GLIS3: variants seen among roughly 807,000 people sequenced by gnomAD.
GLIS3 encodes GLIS family zinc finger 3.
A neutral mutation model predicts 78.6 loss-of-function variants in GLIS3; 53 were observed. The ratio of observed to expected loss-of-function variants is 0.67; its 90% CI spans 0.54 to 0.85. The LOEUF (loss-of-function observed/expected upper bound fraction) is 0.85, where lower values mean the gene tolerates loss of function less well. Among genes scored for constraint, GLIS3 ranks in the 40% least tolerant of loss-of-function variants. The pLI is 0.00. For missense variants in GLIS3, 1,703 were observed against 1,231.1 expected, an observed-to-expected ratio of 1.38 and a Z score of -5.74; for synonymous variants, 684 against 509.9, an observed-to-expected ratio of 1.34 and a Z score of -4.60.
chr9:4,323,464 G>C (rs1313288693), intron 2 of GLIS3, among the ~76,000 whole-genome samples: 2 of 152,148 alleles, frequency 1.3e-5, no homozygotes, highest in Admixed American at 6.5e-5. Context: ...GTGTGTAGCA[G>C]GGATTCATTC....
At chr9:4,070,421 A>G (rs911867243) in intron 4 of GLIS3, among the ~76,000 whole-genome samples, 1 of 152,186 alleles carries the variant, frequency 6.6e-6, no homozygotes, top group Non-Finnish European at 1.5e-5. Context: ...GTCCCTAGAC[A>G]CAGTACTGTC....
intron 2 of GLIS3, among the ~76,000 whole-genome samples, chr9:4,136,967 G>C (rs1833449956): frequency 6.6e-6 from 1 of 152,140 alleles, no homozygotes; most frequent in African/African-American, 2.4e-5. Flanking sequence ...TGTGCATCTG[G>C]GACCTTGTGC....
chr9:4,094,206 TG>T (rs1166231465), intron 4 of GLIS3, among the ~76,000 whole-genome samples: 1 of 152,172 alleles, frequency 6.6e-6, no homozygotes, highest in African/African-American at 2.4e-5. Flanking sequence ...GAAAACAAGC[TG>T]GGTCATCAAA....
Position 3,970,994 on chromosome 9 carries a change from G to A in GLIS3, c.1711-33805C>T, listed in dbSNP as rs140162499. Among the ~76,000 whole-genome samples the A allele has an allele frequency of 2.8e-3, 424 of 151,946 alleles. 7 individuals carry two copies. Among genetic ancestry groups the A allele is most frequent in the African/African-American group, 9.3e-3 (384 of 41,430 alleles). On this transcript the variant is annotated intron_variant, in intron 4 of 10. Coordinates refer to ENST00000381971, the MANE Select transcript of GLIS3 (RefSeq NM_001042413.2). ...AAAGGGATGGAATGGAGAAAGGGAG[G>A]GAGGGACGGAGAGAAGGAAGGAAGG...
At chr9:4,485,931 C>T in the GLIS3 span, among the ~76,000 whole-genome samples, 2 of 152,130 alleles carry the variant, frequency 1.3e-5, no homozygotes, top group African/African-American at 4.8e-5. Flanking sequence ...CTATGTTGGC[C>T]AGGCTGGTCT....
chr9:3,965,188 C>CTTTTTTT lies in GLIS3; in HGVS notation c.1711-28000_1711-27999insAAAAAAA, dbSNP rs750454441. 3.1e-3 allele frequency among the ~76,000 whole-genome samples: 302 copies of CTTTTTTT among 98,854 alleles called. 17 individuals carry two copies. The highest frequency in any genetic ancestry group is 4.9e-3 in the East Asian group (16 of 3,270). The allele number at this position is 98,854 out of a possible 152,430, so 64.9% of individuals were successfully genotyped here. Reference sequence around the variant, plus strand: ...TACTTCTTTTCTATTTCTTTCTTTTCTTTTCTTTTTTTTTTTTTTTTTTTG... The same window carrying CTTTTTTT: ...TACTTCTTTTCTATTTCTTTCTTTTCTTTTTTTTTTTCTTTTTTTTTTTTTTTTTTTG... On this transcript the variant is annotated intron_variant, in intron 4 of 10. Transcript: ENST00000381971.
In GLIS3 at chr9:4,118,741, A is replaced by G; in HGVS notation, c.737T>C (p.Leu246Pro). The change falls in exon 4 of 11, where the codon CTT (leucine) becomes CCT (proline). Residue 246 changes from leucine to proline, a missense_variant. Transcript: ENST00000381971. This position sits in a 1 kb window ranked among gnomAD's most constrained non-coding sequence, Gnocchi z 4.7. ...SLSNHGSQNG[L>P]DLGDLLSLPP... ...AAGGCTAAGGAGATCCCCTAGATCA[A>G]GGCCATTCTGAGAGCCGTGGTTGGA... is the stretch of plus-strand genomic sequence containing the variant. 1.2e-6 allele frequency: 2 copies of G among 1,614,024 alleles called. No homozygotes were observed. The highest frequency in any genetic ancestry group is 1.7e-6 in the Non-Finnish European group (2 of 1,180,012).
At chr9:3,954,120 T>C in intron 4 of GLIS3, among the ~76,000 whole-genome samples, 1 of 152,234 alleles carries the variant, frequency 6.6e-6, no homozygotes, top group Non-Finnish European at 1.5e-5. Context: ...CTGTGGGATC[T>C]TATATTCCAG....
At chr9:4,344,587 T>C (rs1019117918) in intron 2 of GLIS3, among the ~76,000 whole-genome samples, 1 of 152,206 alleles carries the variant, frequency 6.6e-6, no homozygotes. Context: ...TCTTCTGGCT[T>C]TAAATATCAT....
chr9:4,354,708 A>T, the GLIS3 span, among the ~76,000 whole-genome samples: 137 of 152,300 alleles, frequency 9.0e-4, no homozygotes, highest in Non-Finnish European at 9.0e-4. Flanking sequence ...GGAGTGATGC[A>T]TAAGTGTCCC....
intron 4 of GLIS3, among the ~76,000 whole-genome samples, chr9:4,026,622 T>C (rs1002346893): frequency 6.6e-6 from 1 of 152,204 alleles, no homozygotes; most frequent in Non-Finnish European, 1.5e-5. Context: ...AGTAATTCAA[T>C]AAAACACAGA....
intron 4 of GLIS3, among the ~76,000 whole-genome samples, chr9:4,094,800 G>A (rs925096375): frequency 6.6e-6 from 1 of 152,168 alleles, no homozygotes. Flanking sequence ...GTAGCCACTT[G>A]AAGTTATTTG....
At chr9:3,893,249 G>A (rs116857552) in intron 7 of GLIS3, among the ~76,000 whole-genome samples, 4,707 of 152,066 alleles carry the variant, frequency 0.031, 110 homozygotes, top group Middle Eastern at 0.051. Context: ...ATATTTTTAC[G>A]GCAAAACTTG....
chr9:4,097,861 C>CA (rs1265805483), intron 4 of GLIS3, among the ~76,000 whole-genome samples: 2 of 152,002 alleles, frequency 1.3e-5, no homozygotes, highest in Non-Finnish European at 2.9e-5. Context: ...AAGACACACA[C>CA]AAAAAAACCC....
chr9:4,485,092 G>A, the GLIS3 span, among the ~76,000 whole-genome samples: 1 of 151,840 alleles, frequency 6.6e-6, no homozygotes, highest in Non-Finnish European at 1.5e-5. Context: ...TCGGCTCACT[G>A]CAACTTCTAC....
the GLIS3 span, among the ~76,000 whole-genome samples, chr9:4,357,046 A>G: frequency 4.5e-4 from 69 of 152,356 alleles, 1 homozygote; most frequent in African/African-American, 1.6e-3. Context: ...AATATTAGTG[A>G]GTTTACTTAT....
intron 4 of GLIS3, among the ~76,000 whole-genome samples, chr9:3,949,646 G>A (rs775573500): frequency 9.2e-5 from 14 of 152,156 alleles, no homozygotes; most frequent in Non-Finnish European, 2.1e-4. Flanking sequence ...CTTTACTGGT[G>A]GGAAAAAGAA....
chr9:3,919,443 T>C (rs1487192547), intron 6 of GLIS3, among the ~76,000 whole-genome samples: 1 of 152,034 alleles, frequency 6.6e-6, no homozygotes, highest in African/African-American at 2.4e-5. Flanking sequence ...TGAGAACACA[T>C]GGAGACATAT....
chr9:4,247,133 A>T (rs376720115), intron 2 of GLIS3, among the ~76,000 whole-genome samples: 1 of 152,212 alleles, frequency 6.6e-6, no homozygotes, highest in South Asian at 2.1e-4. Flanking sequence ...AAAGCGCGAT[A>T]AAAGCAGACT....
Sources: gnomAD v4.1 joint callset for allele counts (sites outside exome capture counted in the v4.1 genomes callset) on GRCh38, gnomAD v4.1.1 for gene constraint, Gnocchi (gnomAD v3.1) non-coding constraint, MANE v1.5 for transcripts, NCBI Gene and HGNC (gene_info 2026-07-23, HGNC 2026-07-21) for gene names.